Variants in CCDC88A observed in about 807,000 individuals in gnomAD.
CCDC88A encodes the protein coiled-coil and HOOK domain protein 88A, also known as girdin.
In CCDC88A, 54 loss-of-function variants were observed where a neutral mutation model predicts 234.3. That is an observed-to-expected ratio of 0.23 (90% CI 0.19 to 0.29). The LOEUF (loss-of-function observed/expected upper bound fraction) is 0.29. CCDC88A is among the 10% of genes least tolerant of loss of function. The pLI, the probability that CCDC88A is intolerant of heterozygous loss-of-function variation, is 1.00. For synonymous variants in CCDC88A, 753 were observed against 737.8 expected (o/e 1.02, Z -0.33); for missense variants, 1,832 against 2,123.4 (o/e 0.86, Z 2.70).
At chr2:55,352,054 T>C (rs1005981041) in intron 8 of CCDC88A, among the ~76,000 whole-genome samples, 7 of 152,178 alleles carry the variant, frequency 4.6e-5, no homozygotes, top group African/African-American at 1.4e-4. Flanking sequence ...AGACTAGTGA[T>C]TGCCAGGAGC....
intron 8 of CCDC88A, among the ~76,000 whole-genome samples, chr2:55,354,143 C>CTT (rs70954105): frequency 1.4e-5 from 2 of 146,144 alleles, no homozygotes; most frequent in Non-Finnish European, 1.5e-5. Context: ...AAAAATGGTA[C>CTT]TTTTTTTTTT....
At chr2:55,367,004 A>T (rs1031871334) in intron 5 of CCDC88A, among the ~76,000 whole-genome samples, 4 of 152,238 alleles carry the variant, frequency 2.6e-5, no homozygotes, top group African/African-American at 9.6e-5. Context: ...GAGGCAACTC[A>T]AGTGTTCATC....
chr2:55,327,035 TTTTTGTTTTG>T (rs1558673762), intron 17 of CCDC88A, among the ~76,000 whole-genome samples: 1 of 152,210 alleles, frequency 6.6e-6, no homozygotes, highest in African/African-American at 2.4e-5. Context: ...TAATGTGTTT[TTTTTGTTTTG>T]TTTTGTTTTG....
intron 2 of CCDC88A, among the ~76,000 whole-genome samples, chr2:55,399,274 G>A (rs1399617513): frequency 2.6e-5 from 4 of 152,016 alleles, no homozygotes; most frequent in African/African-American, 9.7e-5. Flanking sequence ...CAGGCACAGA[G>A]GCTCATGCCT....
At chr2:55,323,132 T>C (rs1683837245) in intron 17 of CCDC88A, 1 of 152,372 alleles carries the variant, frequency 6.6e-6, no homozygotes, top group Admixed American at 6.5e-5. Context: ...TAGATTACAA[T>C]CACACTAGAA....
intron 26 of CCDC88A, 132 bp from the exon 27 acceptor site, chr2:55,302,204 G>T: frequency 1.5e-6 from 1 of 679,990 alleles, no homozygotes; most frequent in Non-Finnish European, 2.5e-6. Context: ...TAACCACATG[G>T]TCATTTAAAT....
intron 7 of CCDC88A, among the ~76,000 whole-genome samples, chr2:55,359,134 C>T (rs1322652248): frequency 1.3e-5 from 2 of 152,062 alleles, no homozygotes; most frequent in East Asian, 3.8e-4. Context: ...CTCAATAAAC[C>T]AGATACAATC....
chr2:55,325,042 C>T (rs570286322), intron 17 of CCDC88A, among the ~76,000 whole-genome samples: 1 of 152,166 alleles, frequency 6.6e-6, no homozygotes, highest in Non-Finnish European at 1.5e-5. Context: ...CCAGTTGCTC[C>T]CAATTTGCAC....
chr2:55,322,560 C>T lies in CCDC88A; in HGVS notation c.3130G>A (p.Val1044Ile). The T allele has an allele frequency of 1.2e-6, 2 of 1,602,544 alleles. No individual in the cohort carries two copies. Among genetic ancestry groups the T allele is most frequent in the Non-Finnish European group, 1.7e-6 (2 of 1,173,372 alleles). The change falls in exon 18 of 33, where the codon GTT becomes ATT. Residue 1044 changes from valine (V) to isoleucine (I), a missense_variant. This residue lies in a region of CCDC88A where 1,282 missense variants were observed against 1,543.6 expected (regional missense o/e 0.83). Coordinates refer to ENST00000436346, the MANE Select transcript of CCDC88A (RefSeq NM_001365480.1). ...SQETTRELLK[V>I]KDRLIEVERN... is the part of the protein sequence containing the mutation. The stretch of plus-strand genomic sequence containing the variant: ...TCTACTTCAATTAATCTGTCTTTAA[C>T]TTTCAGAAGTTCTCTAGTCGTTTCT...
Position 55,301,325 on chromosome 2 carries a change from A to C in CCDC88A, c.4673-48T>G, listed in dbSNP as rs746200482. 6.9e-6 allele frequency: 7 copies of C among 1,011,862 alleles called. No individual in the cohort carries two copies. The East Asian group carries it at 1.9e-4, about 27-fold the overall frequency. 62.7% of individuals were successfully genotyped at this position (1,011,862 alleles called of 1,614,324 possible). A position where few individuals can be genotyped will look rare whatever the true frequency, so the allele number is the denominator to read the frequency against. ...TATAAAGATATTTTTGTAATAAAAA[A>C]CCATTATAAAATTTTATTTACATAG... is the stretch of plus-strand genomic sequence containing the variant. On this transcript the variant is annotated intron_variant, in intron 27 of 32. Transcript: ENST00000436346.
At chr2:55,336,930 T>C (rs536159950) in intron 13 of CCDC88A, 112 bp from the exon 14 acceptor site, 2 of 617,280 alleles carry the variant, frequency 3.2e-6, no homozygotes, top group South Asian at 5.4e-5. Context: ...AATATCCAAA[T>C]GCTAAAATTT....
chr2:55,332,815 T>C lies in CCDC88A; in HGVS notation c.2728-122A>G, dbSNP rs1472952536. The C allele has an allele frequency of 2.5e-6, 2 of 813,096 alleles. No individual in the cohort carries two copies. The highest frequency in any genetic ancestry group is 3.8e-6 in the Non-Finnish European group (2 of 520,628). 50.4% of individuals were successfully genotyped at this position (813,096 alleles called of 1,614,324 possible). A position where few individuals can be genotyped will look rare whatever the true frequency, so the allele number is the denominator to read the frequency against. ...ATGTAATTTGAACCAGGAAATGTCA[T>C]TAAACCATTCCTTCATTATTAAAAT... On this transcript the variant is annotated intron_variant, in intron 15 of 32. Transcript: ENST00000436346. The surrounding 1 kb of genome is among the most constrained non-coding windows in gnomAD (Gnocchi z 4.5).
At chr2:55,308,263 A>G (rs988876561) in intron 25 of CCDC88A, 9 of 153,068 alleles carry the variant, frequency 5.9e-5, no homozygotes, top group African/African-American at 2.2e-4. Context: ...TCCTTTACCA[A>G]GCAATCCTTC....
rs1290339250 is a variant in CCDC88A, at chr2:55,303,205, G to A, written c.4388-53C>T. 4 of 1,097,270 alleles carry A rather than the reference G, an allele frequency of 3.6e-6. No homozygotes were observed. In the South Asian group the frequency reaches 5.3e-5, roughly 15 times the overall value. 68.0% of individuals were successfully genotyped at this position (1,097,270 alleles called of 1,614,324 possible). A position where few individuals can be genotyped will look rare whatever the true frequency, so the allele number is the denominator to read the frequency against. On this transcript the variant is annotated intron_variant, in intron 25 of 32. Transcript: ENST00000436346. The stretch of plus-strand genomic sequence containing the variant: ...AGAAACAGGGAGATGAAAGAAAAAA[G>A]GGAGAAGAACAGATGGGAGTTAAAT...
chr2:55,320,192 C>A (rs1353189202), intron 18 of CCDC88A, among the ~76,000 whole-genome samples: 5 of 151,922 alleles, frequency 3.3e-5, no homozygotes, highest in African/African-American at 1.2e-4. Flanking sequence ...TATTTATATA[C>A]CATCTCAGCA....
rs145794124 is a variant in CCDC88A, at chr2:55,322,434, G to C, written c.3162+94C>G. 21 of 739,482 alleles carry C rather than the reference G, an allele frequency of 2.8e-5. No homozygotes were observed. In the East Asian group the frequency reaches 5.3e-4, roughly 19 times the overall value. 45.8% of individuals were successfully genotyped at this position (739,482 alleles called of 1,614,324 possible). A position where few individuals can be genotyped will look rare whatever the true frequency, so the allele number is the denominator to read the frequency against. On this transcript the variant is annotated intron_variant, in intron 18 of 32. Coordinates refer to ENST00000436346, the MANE Select transcript of CCDC88A (RefSeq NM_001365480.1). ...ATTTTCTTATTAAGTGCCATCAATT[G>C]TTTAAATATTAGAAAATGTATCTAA...
rs191065694 is a variant in CCDC88A at position 55,307,128 on chromosome 2, A to G, written c.4387+1681T>C. ...AGAGGATTCAAAGTATCCTGTTCACATATTTTGTAAGAACTTTGATAGTAG... is the reference window on the plus strand; with the variant it reads ...AGAGGATTCAAAGTATCCTGTTCACGTATTTTGTAAGAACTTTGATAGTAG... On this transcript the variant is annotated intron_variant, in intron 25 of 32. Transcript: ENST00000436346. Among the ~76,000 whole-genome samples the G allele has an allele frequency of 8.5e-5, 13 of 152,306 alleles. No homozygotes were observed. The East Asian group carries it at 2.5e-3, about 29-fold the overall frequency.
chr2:55,414,476 G>T (rs752514493), intron 2 of CCDC88A, among the ~76,000 whole-genome samples: 2 of 152,206 alleles, frequency 1.3e-5, no homozygotes, highest in African/African-American at 4.8e-5. Context: ...CCAGATCTCT[G>T]AATAGCTTTC....
chr2:55,364,418 C>A (rs985186887), intron 5 of CCDC88A, among the ~76,000 whole-genome samples: 1 of 151,974 alleles, frequency 6.6e-6, no homozygotes, highest in Non-Finnish European at 1.5e-5. Flanking sequence ...CGGAATACAG[C>A]CAAAATGCTC....
Sources: allele counts gnomAD v4.1 joint callset (sites outside exome capture counted in the v4.1 genomes callset), GRCh38; gene constraint gnomAD v4.1.1; regional missense constraint gnomAD v4.1.1; non-coding constraint Gnocchi (gnomAD v3.1); transcripts MANE v1.5; gene names NCBI Gene and HGNC (gene_info 2026-07-23, HGNC 2026-07-21).